Variants in EFR3B observed in about 807,000 individuals in gnomAD.
EFR3B encodes protein EFR3 homolog B.
In EFR3B, 64 loss-of-function variants were observed where a neutral mutation model predicts 104.7. The observed-to-expected ratio is 0.61, with a 90% confidence interval of 0.50 to 0.75. EFR3B has a LOEUF of 0.75. EFR3B is among the 30% of genes least tolerant of loss of function. EFR3B has a pLI of 0.00. For synonymous variants in EFR3B, 385 were observed against 417.9 expected (o/e 0.92, Z 0.96); for missense variants, 750 against 1,078.5 (o/e 0.70, Z 4.27).
Position 25,042,125 on chromosome 2 carries a change from A to G in EFR3B, c.-188A>G, listed in dbSNP as rs1042072998. 2.5e-6 allele frequency: 1 copy of G among 403,344 alleles called. No individual in the cohort carries two copies. The highest frequency in any genetic ancestry group is 2.2e-5 in the African/African-American group (1 of 45,790). 25.0% of individuals were successfully genotyped at this position (403,344 alleles called of 1,614,324 possible). Reference sequence around the variant, plus strand: ...AGGCGGCCGCTGCAGCCCGGCGCTGAATGGGCTGGCGGCGCCCGGCTCCGT... The same window carrying G: ...AGGCGGCCGCTGCAGCCCGGCGCTGGATGGGCTGGCGGCGCCCGGCTCCGT... On this transcript the variant is annotated 5_prime_UTR_variant, in exon 1 of 23. Transcript: ENST00000403714. This position sits in a 1 kb window ranked among gnomAD's most constrained non-coding sequence, Gnocchi z 5.4.
chr2:25,122,157 G>T (rs1670033992), intron 5 of EFR3B, among the ~76,000 whole-genome samples: 1 of 151,962 alleles, frequency 6.6e-6, no homozygotes, highest in South Asian at 2.1e-4. Context: ...AGTAGAGATG[G>T]GGTTTTACCA....
At chr2:25,144,127 T>C (rs1670752669) in intron 18 of EFR3B, among the ~76,000 whole-genome samples, 1 of 152,286 alleles carries the variant, frequency 6.6e-6, no homozygotes, top group Middle Eastern at 3.4e-3. Context: ...GGAAAGAGCA[T>C]ATATGGCTAT....
chr2:25,154,433 C>G lies in EFR3B; in HGVS notation c.*93C>G. ...CCACATGGAGATCTGGCTGTGATCT[C>G]TGAGAAAACATCACCTTAGATGGCA... is the stretch of plus-strand genomic sequence containing the variant. On this transcript the variant is annotated 3_prime_UTR_variant, in exon 23 of 23. Coordinates refer to ENST00000403714, the MANE Select transcript of EFR3B (RefSeq NM_014971.2). This position sits in a 1 kb window ranked among gnomAD's most constrained non-coding sequence, Gnocchi z 4.1. 8.4e-7 allele frequency: 1 copy of G among 1,189,416 alleles called. No individual in the cohort carries two copies. Among genetic ancestry groups the G allele is most frequent in the Non-Finnish European group, 1.2e-6 (1 of 834,258 alleles). The allele number at this position is 1,189,416 out of a possible 1,614,324, so 73.7% of individuals were successfully genotyped here.
intron 3 of EFR3B, among the ~76,000 whole-genome samples, 160 bp from the exon 4 acceptor site, chr2:25,103,477 C>T (rs544506794): frequency 1.3e-5 from 2 of 152,348 alleles, no homozygotes; most frequent in African/African-American, 4.8e-5. Context: ...CTGGAGCAGA[C>T]ACTTGTTGGA....
intron 1 of EFR3B, chr2:25,080,554 A>C: frequency 2.0e-6 from 1 of 494,884 alleles, no homozygotes; most frequent in Non-Finnish European, 3.6e-6. Context: ...TCGGCCTCCC[A>C]AAGTGTTGGG....
At chr2:25,147,481 C>T (rs1170079660) in intron 19 of EFR3B, 1 of 152,204 alleles carries the variant, frequency 6.6e-6, no homozygotes, top group African/African-American at 2.4e-5. Flanking sequence ...TCTGTCCTCT[C>T]CTACTCAAAC....
At chr2:25,074,180 G>A (rs1462438786) in intron 1 of EFR3B, among the ~76,000 whole-genome samples, 1 of 152,132 alleles carries the variant, frequency 6.6e-6, no homozygotes, top group Non-Finnish European at 1.5e-5. Flanking sequence ...TGGAGGGAGA[G>A]GCTCTGGCAT....
At chr2:25,148,226 C>A (rs967177378) in intron 19 of EFR3B, among the ~76,000 whole-genome samples, 4 of 151,262 alleles carry the variant, frequency 2.6e-5, no homozygotes, top group Admixed American at 1.3e-4. Context: ...TCCTTGGAAC[C>A]TCAGCAGCCG....
chr2:25,049,031 C>T (rs1171863001), intron 1 of EFR3B, among the ~76,000 whole-genome samples: 1 of 152,100 alleles, frequency 6.6e-6, no homozygotes, highest in African/African-American at 2.4e-5. Flanking sequence ...CGACTGTAGC[C>T]CTTCAAATGG....
chr2:25,118,795 A>G (rs952442829), intron 4 of EFR3B, among the ~76,000 whole-genome samples: 3 of 149,414 alleles, frequency 2.0e-5, no homozygotes, highest in Non-Finnish European at 3.0e-5. Flanking sequence ...AATCCCAGCA[A>G]TTTGGGAGGC....
Position 25,130,786 on chromosome 2 carries a change from C to T in EFR3B, c.849+156C>T, listed in dbSNP as rs567194309. 1.3e-5 allele frequency among the ~76,000 whole-genome samples: 2 copies of T among 152,198 alleles called. No individual in the cohort carries two copies. Among genetic ancestry groups the T allele is most frequent in the South Asian group, 4.2e-4 (2 of 4,812 alleles). ...GCTTAAGCTAGCTGTGGAGAAGGGCCGGCTGATTTTATTTCCAGTACATCA... is the reference window on the plus strand; with the variant it reads ...GCTTAAGCTAGCTGTGGAGAAGGGCTGGCTGATTTTATTTCCAGTACATCA... On this transcript the variant is annotated intron_variant, in intron 8 of 22. Transcript: ENST00000403714. The surrounding 1 kb of genome is among the most constrained non-coding windows in gnomAD (Gnocchi z 4.6).
chr2:25,042,116 C>G lies in EFR3B; in HGVS notation c.-197C>G, dbSNP rs917834257. 1 of 376,372 alleles carries G rather than the reference C, an allele frequency of 2.7e-6. No homozygotes were observed. The allele number at this position is 376,372 out of a possible 1,614,324, so 23.3% of individuals were successfully genotyped here. ...CCCGAGCGGAGGCGGCCGCTGCAGCCCGGCGCTGAATGGGCTGGCGGCGCC... is the reference window on the plus strand; with the variant it reads ...CCCGAGCGGAGGCGGCCGCTGCAGCGCGGCGCTGAATGGGCTGGCGGCGCC... On this transcript the variant is annotated 5_prime_UTR_variant, in exon 1 of 23. Transcript: ENST00000403714. This position sits in a 1 kb window ranked among gnomAD's most constrained non-coding sequence, Gnocchi z 5.4.
intron 1 of EFR3B, among the ~76,000 whole-genome samples, chr2:25,052,080 C>G (rs1667886555): frequency 6.6e-6 from 1 of 151,544 alleles, no homozygotes. Context: ...CCTGTAATCC[C>G]AGCTACTCAG....
chr2:25,053,256 C>T (rs1667929052), intron 1 of EFR3B, among the ~76,000 whole-genome samples: 1 of 152,228 alleles, frequency 6.6e-6, no homozygotes, highest in Non-Finnish European at 1.5e-5. Context: ...GGCACCTTTC[C>T]CAGCTCCCTT....
At chr2:25,063,648 A>G (rs1668257086) in intron 1 of EFR3B, among the ~76,000 whole-genome samples, 2 of 152,236 alleles carry the variant, frequency 1.3e-5, no homozygotes, top group South Asian at 4.1e-4. Flanking sequence ...AGGATTAAGT[A>G]AAAATGCATT....
chr2:25,060,947 A>ACAG, intron 1 of EFR3B, among the ~76,000 whole-genome samples: 1 of 149,134 alleles, frequency 6.7e-6, no homozygotes, highest in Non-Finnish European at 1.5e-5. Flanking sequence ...AACAACAACA[A>ACAG]CAACAAAAAC....
At position 25,153,813 on chromosome 2, in the gene EFR3B, G is replaced by A. The variant is rs968655700; in HGVS notation, c.2348+52G>A. 1.3e-5 allele frequency: 20 copies of A among 1,532,804 alleles called. 1 individual carries two copies. Among genetic ancestry groups the A allele is most frequent in the South Asian group, 6.0e-5 (5 of 83,632 alleles). 95.0% of individuals were successfully genotyped at this position (1,532,804 alleles called of 1,614,324 possible). A position where few individuals can be genotyped will look rare whatever the true frequency, so the allele number is the denominator to read the frequency against. ...CCTGACCTCCGTGGCCCAGTATTGG[G>A]GTTCCTCATCCTGAGTCCTCTCACC... On this transcript the variant is annotated intron_variant, in intron 22 of 22. Coordinates refer to ENST00000403714, the MANE Select transcript of EFR3B (RefSeq NM_014971.2).
chr2:25,148,081 CTT>C (rs1670872803), intron 19 of EFR3B, among the ~76,000 whole-genome samples: 1 of 147,526 alleles, frequency 6.8e-6, no homozygotes, highest in South Asian at 2.2e-4. Context: ...TCTAATAGCT[CTT>C]TGTCTAGTGA....
At position 25,136,461 on chromosome 2, in the gene EFR3B, C is replaced by A; in HGVS notation, c.1485-62C>A. On this transcript the variant is annotated intron_variant, in intron 13 of 22. Coordinates refer to ENST00000403714, the MANE Select transcript of EFR3B (RefSeq NM_014971.2). This position sits in a 1 kb window ranked among gnomAD's most constrained non-coding sequence, Gnocchi z 4.0. Reference sequence around the variant, plus strand: ...AATGTTGGGGATAAAGCTCAGTGACCCCGTGTGAGCTCAGGCTGGCCTCAT... The same window carrying A: ...AATGTTGGGGATAAAGCTCAGTGACACCGTGTGAGCTCAGGCTGGCCTCAT... 2 of 1,358,672 alleles carry A rather than the reference C, an allele frequency of 1.5e-6. No individual in the cohort carries two copies. The highest frequency in any genetic ancestry group is 1.4e-5 in the African/African-American group (1 of 69,114). 84.2% of individuals were successfully genotyped at this position (1,358,672 alleles called of 1,614,324 possible).
Sources: allele counts gnomAD v4.1 joint callset (sites outside exome capture counted in the v4.1 genomes callset), GRCh38; gene constraint gnomAD v4.1.1; non-coding constraint Gnocchi (gnomAD v3.1); transcripts MANE v1.5; gene names NCBI Gene and HGNC (gene_info 2026-07-23, HGNC 2026-07-21).